The following DNAJC1 variants were observed in gnomAD, a reference collection of about 807,000 sequenced individuals.
The protein encoded by DNAJC1 is DnaJ heat shock protein family (Hsp40) member C1.
DNAJC1 carries 58 observed loss-of-function variants against 76.6 expected under a neutral mutation model. The observed-to-expected ratio is 0.76, with a 90% confidence interval of 0.61 to 0.94. The LOEUF (loss-of-function observed/expected upper bound fraction) is 0.94. Ranked by LOEUF, DNAJC1 falls within the 40% of genes least tolerant of loss-of-function variation. DNAJC1 has a pLI of 0.00. For synonymous variants in DNAJC1, 258 were observed against 267.9 expected, an observed-to-expected ratio of 0.96 and a Z score of 0.36; for missense variants, 689 against 677.3, an observed-to-expected ratio of 1.02 and a Z score of -0.19.
At chr10:21,857,953 G>A (rs962736254) in intron 8 of DNAJC1, among the ~76,000 whole-genome samples, 5 of 151,828 alleles carry the variant, frequency 3.3e-5, no homozygotes, top group Admixed American at 6.6e-5. Flanking sequence ...GTGTAAAAAA[G>A]ATGAATGTCA....
intron 11 of DNAJC1, among the ~76,000 whole-genome samples, chr10:21,757,218 T>A (rs539124931): frequency 3.9e-4 from 60 of 152,274 alleles, no homozygotes; most frequent in African/African-American, 1.4e-3. Flanking sequence ...CTGGCAGAAC[T>A]TGTGCTGGAA....
chr10:21,807,594 A>T (rs1225322040), intron 8 of DNAJC1, among the ~76,000 whole-genome samples: 2 of 152,206 alleles, frequency 1.3e-5, no homozygotes, highest in African/African-American at 4.8e-5. Flanking sequence ...GCTATCAAGA[A>T]TGTTCGCTGA....
intron 1 of DNAJC1, among the ~76,000 whole-genome samples, chr10:21,956,707 C>T (rs1275591149): frequency 6.6e-6 from 1 of 151,520 alleles, no homozygotes; most frequent in Admixed American, 6.6e-5. Context: ...TCTAACATAT[C>T]TCCCAGCTTC....
chr10:21,928,182 A>G (rs1275770251), intron 3 of DNAJC1, among the ~76,000 whole-genome samples: 1 of 152,200 alleles, frequency 6.6e-6, no homozygotes, highest in Non-Finnish European at 1.5e-5. Context: ...ACATATGGGA[A>G]GGAATGGACA....
chr10:21,987,829 C>T (rs1397233254), intron 1 of DNAJC1, among the ~76,000 whole-genome samples: 1 of 152,054 alleles, frequency 6.6e-6, no homozygotes, highest in African/African-American at 2.4e-5. Flanking sequence ...GAAATATTTG[C>T]CCCTAAATAG....
intron 8 of DNAJC1, among the ~76,000 whole-genome samples, chr10:21,813,056 T>C (rs887817477): frequency 7.4e-6 from 1 of 134,674 alleles, no homozygotes; most frequent in Admixed American, 8.0e-5. Flanking sequence ...CACACACATA[T>C]ATATACATAT....
rs1836962817 is a variant in DNAJC1, at chr10:21,916,762, C to T, written c.729+2017G>A. ...AAACAAAAAGCGACAAAAATCTAATCCTGAGAGCAACTGAACAGTATTGTT... is the reference window on the plus strand; with the variant it reads ...AAACAAAAAGCGACAAAAATCTAATTCTGAGAGCAACTGAACAGTATTGTT... On this transcript the variant is annotated intron_variant, in intron 6 of 11. Coordinates refer to ENST00000376980, the MANE Select transcript of DNAJC1 (RefSeq NM_022365.4). Among the ~76,000 whole-genome samples the T allele has an allele frequency of 2.6e-5, 4 of 152,120 alleles. No individual in the cohort carries two copies. In the South Asian group the frequency reaches 8.3e-4, roughly 32 times the overall value.
chr10:21,916,234 C>CTATA (rs1462934308), intron 6 of DNAJC1, among the ~76,000 whole-genome samples: 1 of 152,076 alleles, frequency 6.6e-6, no homozygotes, highest in Non-Finnish European at 1.5e-5. Context: ...TGGCTCACGC[C>CTATA]TATAATCTTA....
At chr10:21,818,798 A>T (rs1835114137) in intron 8 of DNAJC1, among the ~76,000 whole-genome samples, 2 of 152,252 alleles carry the variant, frequency 1.3e-5, no homozygotes, top group Admixed American at 6.5e-5. Flanking sequence ...TTATTTTGAA[A>T]ATGAGCACTG....
chr10:21,856,937 T>A (rs922631767), intron 8 of DNAJC1, among the ~76,000 whole-genome samples: 4 of 152,054 alleles, frequency 2.6e-5, no homozygotes, highest in African/African-American at 7.2e-5. Context: ...GGTTTCACCA[T>A]GCAGATCAGG....
intron 9 of DNAJC1, among the ~76,000 whole-genome samples, chr10:21,786,845 A>G (rs1381977238): frequency 6.6e-6 from 1 of 152,154 alleles, no homozygotes; most frequent in East Asian, 1.9e-4. Flanking sequence ...TTTTCTGGGT[A>G]CTAATGAAAA....
chr10:21,815,785 G>T (rs576418315), intron 8 of DNAJC1, among the ~76,000 whole-genome samples: 1 of 151,226 alleles, frequency 6.6e-6, no homozygotes, highest in African/African-American at 2.4e-5. Context: ...TCCCTCTGTT[G>T]CACAGGCTGG....
intron 6 of DNAJC1, among the ~76,000 whole-genome samples, chr10:21,911,796 T>C (rs758289412): frequency 3.9e-5 from 6 of 152,212 alleles, no homozygotes; most frequent in Non-Finnish European, 5.9e-5. Context: ...CCAGGGTCTA[T>C]ATAATCATTC....
At chr10:21,781,904 T>G (rs980833707) in intron 9 of DNAJC1, among the ~76,000 whole-genome samples, 1 of 149,118 alleles carries the variant, frequency 6.7e-6, no homozygotes, top group African/African-American at 2.5e-5. Context: ...AAGCAGTGAG[T>G]AGAGGGAAAT....
intron 1 of DNAJC1, among the ~76,000 whole-genome samples, chr10:21,958,755 A>G (rs2131815611): frequency 6.6e-6 from 1 of 152,184 alleles, no homozygotes; most frequent in South Asian, 2.1e-4. Flanking sequence ...CATTTCATAT[A>G]AATGGAAGGG....
chr10:21,864,351 G>A (rs1370816996), intron 8 of DNAJC1, among the ~76,000 whole-genome samples: 3 of 152,104 alleles, frequency 2.0e-5, no homozygotes, highest in South Asian at 2.1e-4. Flanking sequence ...GCCAGGTGCA[G>A]TGGCTCATGC....
chr10:21,917,975 TTAGAATATTATCTGGTCCTC>T (rs1480515655), intron 6 of DNAJC1, among the ~76,000 whole-genome samples: 1 of 151,944 alleles, frequency 6.6e-6, no homozygotes, highest in Non-Finnish European at 1.5e-5. Flanking sequence ...TAGAACTGAA[TTAGAATATTATCTGGTCCTC>T]TAGATTATAA....
chr10:21,946,358 C>T (rs559967272), intron 1 of DNAJC1, among the ~76,000 whole-genome samples: 2 of 151,686 alleles, frequency 1.3e-5, no homozygotes, highest in South Asian at 2.1e-4. Context: ...ATCCAAATGG[C>T]CATTAAATAT....
intron 1 of DNAJC1, 29 bp downstream of exon 1, chr10:22,003,184 C>T: frequency 6.7e-7 from 1 of 1,487,488 alleles, no homozygotes; most frequent in African/African-American, 1.4e-5. Flanking sequence ...GGCCCCTCTC[C>T]GCCCGGCCCC....
Sources: allele counts gnomAD v4.1 joint callset (sites outside exome capture counted in the v4.1 genomes callset), GRCh38; gene constraint gnomAD v4.1.1; transcripts MANE v1.5; gene names NCBI Gene and HGNC (gene_info 2026-07-23, HGNC 2026-07-21).